The following RIMS2 variants were observed in gnomAD, a reference collection of about 807,000 sequenced individuals.
RIMS2 encodes the protein regulating synaptic membrane exocytosis protein 2.
RIMS2 carries 59 observed loss-of-function variants against 174.4 expected under a neutral mutation model. That is an observed-to-expected ratio of 0.34 (90% confidence interval 0.27 to 0.42). The LOEUF is 0.42. RIMS2 is among the 10% of genes least tolerant of loss of function. The pLI, the probability that RIMS2 is intolerant of heterozygous loss-of-function variation, is 1.00. For synonymous variants in RIMS2, 606 were observed against 572.5 expected (o/e 1.06, Z -0.84); for missense variants, 1,620 against 1,666.3 (o/e 0.97, Z 0.48).
chr8:103,816,096 C>T (rs1252983095), intron 3 of RIMS2, among the ~76,000 whole-genome samples: 3 of 152,248 alleles, frequency 2.0e-5, no homozygotes, highest in Admixed American at 6.5e-5. Flanking sequence ...TTAAAACACA[C>T]GTTATCTATA....
At chr8:103,751,128 T>C (rs2097884429) in intron 2 of RIMS2, among the ~76,000 whole-genome samples, 1 of 152,146 alleles carries the variant, frequency 6.6e-6, no homozygotes, top group Non-Finnish European at 1.5e-5. Flanking sequence ...GAACTGTAAG[T>C]CCAATAAACC....
intron 1 of RIMS2, 49 bp from the exon 4 acceptor site, chr8:103,697,037 T>C (rs746720653): frequency 8.7e-7 from 1 of 1,150,760 alleles, no homozygotes. Context: ...ATTTTTCCTT[T>C]AGAGATCATC....
chr8:104,017,873 C>T (rs9694950), intron 19 of RIMS2, among the ~76,000 whole-genome samples: 19,476 of 151,916 alleles, frequency 0.13, 1,707 homozygotes, highest in Non-Finnish European at 0.19. Flanking sequence ...CTCGGGAGTT[C>T]AAGACCAGCC....
At chr8:104,116,274 T>A (rs2098276594) in intron 19 of RIMS2, among the ~76,000 whole-genome samples, 1 of 152,198 alleles carries the variant, frequency 6.6e-6, no homozygotes. Context: ...AATAATAGGA[T>A]GTTCTATAAA....
chr8:103,676,580 C>T (rs1590140336), intron 1 of RIMS2, among the ~76,000 whole-genome samples: 1 of 148,264 alleles, frequency 6.7e-6, no homozygotes, highest in African/African-American at 2.5e-5. Context: ...CTTTTAAAGT[C>T]TTTTTTTTTT....
chr8:104,099,369 GT>G (rs1419788586), intron 19 of RIMS2, among the ~76,000 whole-genome samples: 13 of 151,910 alleles, frequency 8.6e-5, no homozygotes, highest in African/African-American at 2.9e-4. Flanking sequence ...TTTCTTTTTT[GT>G]TGTTGTTTTC....
At chr8:103,537,144 G>A (rs142090508) in intron 1 of RIMS2, among the ~76,000 whole-genome samples, 3 of 152,118 alleles carry the variant, frequency 2.0e-5, no homozygotes, top group Non-Finnish European at 2.9e-5. Context: ...CTTATTTTGC[G>A]TGTGTGTGAG....
At chr8:103,902,525 G>A (rs768652003) in intron 4 of RIMS2, among the ~76,000 whole-genome samples, 14 of 152,086 alleles carry the variant, frequency 9.2e-5, no homozygotes, top group Non-Finnish European at 1.5e-4. Context: ...AACATAGTTT[G>A]CAAACCATTG....
At chr8:103,643,767 A>G (rs966039223) in intron 1 of RIMS2, among the ~76,000 whole-genome samples, 2 of 150,520 alleles carry the variant, frequency 1.3e-5, no homozygotes, top group African/African-American at 4.9e-5. Flanking sequence ...GAGGAGAGGC[A>G]TCTGATAGTT....
intron 1 of RIMS2, among the ~76,000 whole-genome samples, chr8:103,597,298 A>C (rs1324171886): frequency 6.6e-6 from 1 of 152,162 alleles, no homozygotes; most frequent in African/African-American, 2.4e-5. Context: ...GCACAGTTTC[A>C]GGCCTTTCTG....
intron 1 of RIMS2, among the ~76,000 whole-genome samples, chr8:103,594,049 A>T (rs191767022): frequency 4.0e-5 from 6 of 151,658 alleles, no homozygotes. Context: ...CTTACCTACT[A>T]AAATATATTT....
intron 1 of RIMS2, among the ~76,000 whole-genome samples, chr8:103,523,420 TG>T (rs1339176132): frequency 6.6e-6 from 1 of 151,974 alleles, no homozygotes; most frequent in Non-Finnish European, 1.5e-5. Flanking sequence ...GTGTGTGTGG[TG>T]AGTTAGGATT....
chr8:103,552,136 A>G (rs1409393576), intron 1 of RIMS2, among the ~76,000 whole-genome samples: 1 of 152,118 alleles, frequency 6.6e-6, no homozygotes, highest in African/African-American at 2.4e-5. Context: ...AAGATTCCAT[A>G]TTGGCAAGAA....
intron 16 of RIMS2, among the ~76,000 whole-genome samples, chr8:103,978,156 A>G (rs1201722077): frequency 2.0e-5 from 3 of 152,242 alleles, no homozygotes; most frequent in African/African-American, 7.2e-5. Flanking sequence ...GGAACTCAAG[A>G]CAAAGACCAA....
intron 7 of RIMS2, 45 bp from the exon 11 acceptor site, chr8:103,916,368 GA>G (rs771359170): frequency 6.9e-7 from 1 of 1,451,466 alleles, no homozygotes; most frequent in South Asian, 1.2e-5. Flanking sequence ...TAATTTGTCA[GA>G]TCAAATTTTC....
intron 19 of RIMS2, among the ~76,000 whole-genome samples, chr8:104,091,784 AAAT>A (rs1403121026): frequency 2.0e-5 from 3 of 151,576 alleles, no homozygotes; most frequent in Non-Finnish European, 4.4e-5. Flanking sequence ...TTTATTTGAA[AAAT>A]AATATTATGA....
intron 3 of RIMS2, among the ~76,000 whole-genome samples, chr8:103,838,926 G>A (rs922381953): frequency 3.3e-5 from 5 of 152,106 alleles, no homozygotes; most frequent in African/African-American, 4.8e-5. Flanking sequence ...TTAGCCGGGC[G>A]TGGTGGCGGG....
intron 19 of RIMS2, among the ~76,000 whole-genome samples, chr8:104,104,283 T>C (rs1392618566): frequency 6.6e-6 from 1 of 152,204 alleles, no homozygotes; most frequent in African/African-American, 2.4e-5. Context: ...TGAATAGTTC[T>C]GCAGGTTGGA....
chr8:104,119,374 CA>C (rs199602534), intron 19 of RIMS2, among the ~76,000 whole-genome samples: 3 of 150,570 alleles, frequency 2.0e-5, no homozygotes, highest in African/African-American at 4.9e-5. Flanking sequence ...ACAAAAAAAA[CA>C]AAAAAAACCC....
Sources: gnomAD v4.1 joint callset for allele counts (sites outside exome capture counted in the v4.1 genomes callset) on GRCh38, gnomAD v4.1.1 for gene constraint, MANE v1.5 for transcripts, NCBI Gene and HGNC (gene_info 2026-07-23, HGNC 2026-07-21) for gene names.